The following PTPRD variants were observed in gnomAD, a reference collection of about 807,000 sequenced individuals.
The protein encoded by PTPRD is protein tyrosine phosphatase receptor type D, also known as receptor-type tyrosine-protein phosphatase delta.
A neutral mutation model predicts 214.5 loss-of-function variants in PTPRD; 34 were observed. The observed-to-expected ratio is 0.16, with a 90% confidence interval of 0.12 to 0.21. The LOEUF (loss-of-function observed/expected upper bound fraction) is 0.21. Ranked by LOEUF, PTPRD falls within the 10% of genes least tolerant of loss-of-function variation. The pLI is 1.00. For synonymous variants in PTPRD, 1,128 were observed against 845.7 expected, an observed-to-expected ratio of 1.33 and a Z score of -5.79; for missense variants, 2,545 against 2,398.7, an observed-to-expected ratio of 1.06 and a Z score of -1.27.
At chr9:10,363,991 G>GTTTTTTTGT (rs1485501417) in intron 2 of PTPRD, among the ~76,000 whole-genome samples, 783 of 35,106 alleles carry the variant, frequency 0.022, 133 homozygotes, top group East Asian at 0.065. Flanking sequence ...ACATTTTCGG[G>GTTTTTTTGT]TTTTTTTTTT....
At chr9:9,756,670 T>G (rs970315968) in intron 6 of PTPRD, among the ~76,000 whole-genome samples, 10 of 152,284 alleles carry the variant, frequency 6.6e-5, no homozygotes, top group Non-Finnish European at 1.0e-4. Context: ...GAATACATTG[T>G]GAATGTACTA....
chr9:9,085,679 A>G (rs1415318642), intron 10 of PTPRD, among the ~76,000 whole-genome samples: 1 of 151,450 alleles, frequency 6.6e-6, no homozygotes, highest in Non-Finnish European at 1.5e-5. Context: ...TGGCCTTCAG[A>G]TTTTTCTGCT....
At chr9:8,850,681 A>C (rs1369545880) in intron 11 of PTPRD, among the ~76,000 whole-genome samples, 1 of 152,208 alleles carries the variant, frequency 6.6e-6, no homozygotes, top group Non-Finnish European at 1.5e-5. Context: ...AATAAGACAT[A>C]AATCAATGTA....
intron 4 of PTPRD, among the ~76,000 whole-genome samples, chr9:10,028,425 G>C (rs2096973715): frequency 6.6e-6 from 1 of 152,138 alleles, no homozygotes; most frequent in Non-Finnish European, 1.5e-5. Context: ...AACAGGCAGA[G>C]GTTGCAACAG....
At chr9:10,374,350 A>G (rs970735941) in intron 2 of PTPRD, among the ~76,000 whole-genome samples, 1 of 152,068 alleles carries the variant, frequency 6.6e-6, no homozygotes, top group African/African-American at 2.4e-5. Flanking sequence ...TAGGGGTTAA[A>G]TGTGCATATA....
chr9:8,712,733 G>T (rs545990628), intron 12 of PTPRD, among the ~76,000 whole-genome samples: 1 of 151,348 alleles, frequency 6.6e-6, no homozygotes, highest in Admixed American at 6.6e-5. Context: ...TGGGGGGTGG[G>T]GGGCATGGAC....
intron 8 of PTPRD, among the ~76,000 whole-genome samples, chr9:9,474,387 C>G (rs749897757): frequency 1.3e-5 from 2 of 151,926 alleles, no homozygotes; most frequent in African/African-American, 2.4e-5. Flanking sequence ...TCGGGTCCAG[C>G]TTTATTCTTT....
At chr9:9,509,947 T>G (rs908671711) in intron 8 of PTPRD, among the ~76,000 whole-genome samples, 1 of 151,678 alleles carries the variant, frequency 6.6e-6, no homozygotes, top group Non-Finnish European at 1.5e-5. Flanking sequence ...CATTTCCAAC[T>G]GGCTGCCTGA....
intron 7 of PTPRD, among the ~76,000 whole-genome samples, chr9:9,712,715 G>C (rs545807119): frequency 6.6e-6 from 1 of 152,046 alleles, no homozygotes; most frequent in African/African-American, 2.4e-5. Context: ...TTATCCATTG[G>C]TCTCAGAATA....
At chr9:9,034,920 C>G (rs2099616712) in intron 10 of PTPRD, among the ~76,000 whole-genome samples, 1 of 152,114 alleles carries the variant, frequency 6.6e-6, no homozygotes, top group Non-Finnish European at 1.5e-5. Context: ...CAATCAAGAA[C>G]TTTCAGTGCC....
At chr9:10,340,163 T>C (rs1424138763) in intron 3 of PTPRD, among the ~76,000 whole-genome samples, 1 of 151,898 alleles carries the variant, frequency 6.6e-6, no homozygotes, top group African/African-American at 2.4e-5. Context: ...TCATTCCACA[T>C]TATCTGGACA....
chr9:8,716,597 G>A (rs900305310), intron 12 of PTPRD, among the ~76,000 whole-genome samples: 1 of 130,714 alleles, frequency 7.7e-6, no homozygotes, highest in Non-Finnish European at 1.5e-5. Flanking sequence ...TCCCAAAGAT[G>A]TACTTCCTTT....
chr9:8,404,719 G>C (rs917488272), intron 35 of PTPRD, 59 bp from the exon 36 acceptor site: 2 of 1,541,790 alleles, frequency 1.3e-6, no homozygotes, highest in Non-Finnish European at 1.8e-6. Context: ...CCAGATTATA[G>C]GCATTTATCA....
chr9:8,836,443 T>C (rs1257836215), intron 11 of PTPRD, among the ~76,000 whole-genome samples: 3 of 152,082 alleles, frequency 2.0e-5, no homozygotes, highest in Non-Finnish European at 4.4e-5. Flanking sequence ...CATTAGGACA[T>C]CTACTCGACA....
At chr9:9,509,341 A>G (rs1334608578) in intron 8 of PTPRD, among the ~76,000 whole-genome samples, 6 of 151,540 alleles carry the variant, frequency 4.0e-5, no homozygotes, top group Non-Finnish European at 8.9e-5. Context: ...CCCTCCTACT[A>G]TTAAAACTTG....
rs771215769 is a variant in PTPRD, at chr9:8,518,057, T to G, written c.1334A>C (p.Asn445Thr). 1 of 1,614,198 alleles carries G rather than the reference T, an allele frequency of 6.2e-7. No individual in the cohort carries two copies. The highest frequency in any genetic ancestry group is 1.7e-5 in the Admixed American group (1 of 60,022). The change falls in exon 21 of 46, where the codon AAT (asparagine) becomes ACT (threonine). Residue 445 changes from asparagine (N) to threonine (T), a missense_variant. Coordinates refer to ENST00000381196, the MANE Select transcript of PTPRD (RefSeq NM_002839.4). ...AACTCTATATCCTTGGATCTGTCCA[T>G]TTGGCTCTTCAGGTTCCTTCCACTG... ...LVQWKEPEEP[N>T]GQIQGYRVYY... is the part of the protein sequence containing the mutation.
chr9:10,199,162 T>G (rs1170926994), intron 3 of PTPRD, among the ~76,000 whole-genome samples: 3 of 152,082 alleles, frequency 2.0e-5, no homozygotes, highest in Non-Finnish European at 2.9e-5. Flanking sequence ...TATGCTCTAT[T>G]CGAACTGATT....
At position 10,306,377 on chromosome 9, in the gene PTPRD, A is replaced by G. The variant is rs1039913638; in HGVS notation, c.-545+34586T>C. 4.2e-4 allele frequency among the ~76,000 whole-genome samples: 64 copies of G among 152,192 alleles called. 1 individual carries two copies. The highest frequency in any genetic ancestry group is 1.4e-3 in the African/African-American group (57 of 41,548). On this transcript the variant is annotated intron_variant, in intron 3 of 45. Coordinates refer to ENST00000381196, the MANE Select transcript of PTPRD (RefSeq NM_002839.4). ...ACCATGGCATGTGTATACCTATGTA[A>G]CAAACCTGCATGTTCTGCACATGTA...
At chr9:9,861,330 T>G (rs1156660362) in intron 5 of PTPRD, among the ~76,000 whole-genome samples, 1 of 152,106 alleles carries the variant, frequency 6.6e-6, no homozygotes, top group East Asian at 1.9e-4. Flanking sequence ...TTGCTCTGTC[T>G]CCCAGGCTGG....
Sources: allele counts gnomAD v4.1 joint callset (sites outside exome capture counted in the v4.1 genomes callset), GRCh38; gene constraint gnomAD v4.1.1; transcripts MANE v1.5; gene names NCBI Gene and HGNC (gene_info 2026-07-23, HGNC 2026-07-21).